The following PPP6R2 variants were observed in gnomAD, a reference collection of about 807,000 sequenced individuals.
PPP6R2 encodes the protein protein phosphatase 6 regulatory subunit 2, also known as serine/threonine-protein phosphatase 6 regulatory subunit 2.
A neutral mutation model predicts 100.2 loss-of-function variants in PPP6R2; 62 were observed. The observed-to-expected ratio is 0.62, with a 90% CI of 0.50 to 0.76. The LOEUF is 0.76. Among genes scored for constraint, PPP6R2 ranks in the 30% least tolerant of loss-of-function variants. The pLI, the probability that PPP6R2 is intolerant of heterozygous loss-of-function variation, is 0.00. For missense variants in PPP6R2, 1,142 were observed against 1,276.3 expected (o/e 0.89, Z 1.60); for synonymous variants, 525 against 514.7 (o/e 1.02, Z -0.27).
At chr22:50,416,032 G>A in intron 5 of PPP6R2, 60 bp from the exon 6 acceptor site, 2 of 1,484,784 alleles carry the variant, frequency 1.3e-6, no homozygotes, top group Middle Eastern at 1.7e-4. Context: ...AAGGGGAAAG[G>A]TTCCTGTTGT....
At chr22:50,437,090 G>C in intron 15 of PPP6R2, 22 bp downstream of exon 15, 1 of 1,547,308 alleles carries the variant, frequency 6.5e-7, no homozygotes, top group Non-Finnish European at 8.7e-7. Flanking sequence ...GCCGGCACCT[G>C]CACCCTGCCG....
intron 4 of PPP6R2, among the ~76,000 whole-genome samples, chr22:50,410,034 G>GTTTTTTGTTTTTATT (rs1360045877): frequency 2.6e-5 from 4 of 151,844 alleles, no homozygotes; most frequent in Non-Finnish European, 4.4e-5. Context: ...GGCCTATTTT[G>GTTTTTTGTTTTTATT]TTTTTTGTTT....
intron 1 of PPP6R2, among the ~76,000 whole-genome samples, chr22:50,365,118 C>CTG (rs2048489790): frequency 7.0e-6 from 1 of 143,262 alleles, no homozygotes; most frequent in Admixed American, 7.3e-5. Flanking sequence ...GTTGCCCAGG[C>CTG]TGGATTGTAA....
At chr22:50,359,512 C>T (rs1228148766) in intron 1 of PPP6R2, among the ~76,000 whole-genome samples, 3 of 148,134 alleles carry the variant, frequency 2.0e-5, no homozygotes, top group East Asian at 2.0e-4. Flanking sequence ...CCACCATGCC[C>T]GGCCTGTGGA....
chr22:50,376,114 A>G (rs1281888721), intron 2 of PPP6R2, among the ~76,000 whole-genome samples: 1 of 151,978 alleles, frequency 6.6e-6, no homozygotes, highest in African/African-American at 2.4e-5. Flanking sequence ...TTAATAGTAC[A>G]CAGACAAAAA....
intron 1 of PPP6R2, among the ~76,000 whole-genome samples, chr22:50,357,308 T>A (rs986367823): frequency 6.6e-6 from 1 of 152,208 alleles, no homozygotes; most frequent in Non-Finnish European, 1.5e-5. Context: ...TGCATATACA[T>A]ACATAGTGAG....
At chr22:50,366,957 C>G (rs982172576) in intron 1 of PPP6R2, among the ~76,000 whole-genome samples, 1 of 151,680 alleles carries the variant, frequency 6.6e-6, no homozygotes, top group African/African-American at 2.4e-5. Context: ...TGTCTAGTGT[C>G]TTGAAAACCA....
rs368808424 is a variant in PPP6R2, at chr22:50,418,307, C to T, written c.619-560C>T. ...ATCTACATTTTGACGACAGAAAAGG[C>T]AGACACAGGCTTCTTTGAAATGAAG... On this transcript the variant is annotated intron_variant, in intron 6 of 23. Transcript: ENST00000612753. Among the ~76,000 whole-genome samples the T allele has an allele frequency of 3.8e-4, 58 of 152,214 alleles. No individual in the cohort carries two copies. The South Asian group carries it at 0.012, about 31-fold the overall frequency.
At chr22:50,422,420 T>C in intron 9 of PPP6R2, 40 bp downstream of exon 9, 1 of 1,605,372 alleles carries the variant, frequency 6.2e-7, no homozygotes, top group South Asian at 1.1e-5. Context: ...TTTGGAGGCG[T>C]CGCAGGAGAG....
chr22:50,343,979 T>C (rs1325779200), intron 1 of PPP6R2, among the ~76,000 whole-genome samples: 5 of 3,552 alleles, frequency 1.4e-3, no homozygotes, highest in African/African-American at 4.1e-3. Flanking sequence ...AGTCAGTGCC[T>C]CCTCCAGTCA....
At chr22:50,414,451 A>G (rs923761130) in intron 4 of PPP6R2, 101 bp from the exon 5 acceptor site, 78 of 1,333,548 alleles carry the variant, frequency 5.8e-5, no homozygotes, top group Non-Finnish European at 7.8e-5. Flanking sequence ...TTTCTGCTTA[A>G]TATAATTACT....
Position 50,396,646 on chromosome 22 carries a change from G to A in PPP6R2, c.227+2511G>A, listed in dbSNP as rs551649203. Among the ~76,000 whole-genome samples the A allele has an allele frequency of 5.3e-5, 8 of 152,286 alleles. No individual in the cohort carries two copies. In the South Asian group the frequency reaches 1.2e-3, roughly 24 times the overall value. ...GTTGAGCAGCTCCAGCAGGGGCCAC[G>A]GCAAATAATTCCTCCCTGGCCATTT... On this transcript the variant is annotated intron_variant, in intron 3 of 23. Coordinates refer to ENST00000612753, the MANE Select transcript of PPP6R2 (RefSeq NM_001242898.2).
chr22:50,387,462 G>A (rs1360427426), intron 2 of PPP6R2, among the ~76,000 whole-genome samples: 1 of 152,096 alleles, frequency 6.6e-6, no homozygotes, highest in African/African-American at 2.4e-5. Context: ...TTCCCCGGTG[G>A]ACTATGCTCA....
At chr22:50,381,131 AG>A (rs2052834143) in intron 2 of PPP6R2, among the ~76,000 whole-genome samples, 1 of 150,132 alleles carries the variant, frequency 6.7e-6, no homozygotes, top group South Asian at 2.1e-4. Context: ...AAAAAAAAAA[AG>A]AGAACTCAGT....
intron 1 of PPP6R2, among the ~76,000 whole-genome samples, chr22:50,349,195 CAAAAAAAA>C (rs892504600): frequency 1.5e-4 from 9 of 61,658 alleles, no homozygotes; most frequent in African/African-American, 5.9e-4. Flanking sequence ...GACTTCCTCT[CAAAAAAAA>C]AAAAAAAAAA....
In PPP6R2 at chr22:50,364,820, A is replaced by G. The variant is rs1478234451; in HGVS notation, c.-147-7200A>G. Among the ~76,000 whole-genome samples, 3 of 151,898 alleles carry G rather than the reference A, an allele frequency of 2.0e-5. No homozygotes were observed. In the East Asian group the frequency reaches 5.8e-4, roughly 29 times the overall value. The stretch of plus-strand genomic sequence containing the variant: ...CAGGTGGGGATGAGGAAAGAGTGCC[A>G]AAGTTGTATTGTGTGCGGGTCCCAC... On this transcript the variant is annotated intron_variant, in intron 1 of 23. Coordinates refer to ENST00000612753, the MANE Select transcript of PPP6R2 (RefSeq NM_001242898.2).
chr22:50,363,715 C>T (rs1191144145), intron 1 of PPP6R2, among the ~76,000 whole-genome samples: 1 of 152,170 alleles, frequency 6.6e-6, no homozygotes, highest in African/African-American at 2.4e-5. Flanking sequence ...GAGCTGGGCT[C>T]ATCTGACCAT....
chr22:50,408,927 C>T (rs2059364284), intron 4 of PPP6R2, among the ~76,000 whole-genome samples: 1 of 152,166 alleles, frequency 6.6e-6, no homozygotes, highest in African/African-American at 2.4e-5. Flanking sequence ...CCAGCCTGAC[C>T]AACGTGGAGA....
chr22:50,360,727 ACT>A (rs1383332170), intron 1 of PPP6R2, among the ~76,000 whole-genome samples: 1 of 152,108 alleles, frequency 6.6e-6, no homozygotes, highest in Non-Finnish European at 1.5e-5. Context: ...AGTTAGCTAC[ACT>A]GTCAGAGCTC....
Sources: allele counts gnomAD v4.1 joint callset (sites outside exome capture counted in the v4.1 genomes callset), GRCh38; gene constraint gnomAD v4.1.1; transcripts MANE v1.5; gene names NCBI Gene and HGNC (gene_info 2026-07-23, HGNC 2026-07-21).